Variants in RNGTT observed in about 807,000 individuals in gnomAD.
The protein encoded by RNGTT is RNA guanylyltransferase and 5'-phosphatase, also known as mRNA-capping enzyme.
Under a neutral mutation model 79.3 loss-of-function variants are expected in RNGTT, and 33 were observed. The ratio of observed to expected loss-of-function variants is 0.42; its 90% CI spans 0.32 to 0.56. The LOEUF (loss-of-function observed/expected upper bound fraction) is 0.56. Ranked by LOEUF, RNGTT falls within the 20% of genes least tolerant of loss-of-function variation. RNGTT has a pLI of 0.17. For synonymous variants in RNGTT, 222 were observed against 235.9 expected (o/e 0.94, Z 0.54); for missense variants, 497 against 739.1 (o/e 0.67, Z 3.80).
intron 14 of RNGTT, among the ~76,000 whole-genome samples, chr6:88,665,143 C>T (rs1450135637): frequency 6.6e-6 from 1 of 152,146 alleles, no homozygotes; most frequent in Non-Finnish European, 1.5e-5. Context: ...ATGGCCCTGA[C>T]AGTTCCCCGA....
At chr6:88,843,298 T>C (rs962257504) in intron 11 of RNGTT, among the ~76,000 whole-genome samples, 1 of 152,022 alleles carries the variant, frequency 6.6e-6, no homozygotes, top group African/African-American at 2.4e-5. Flanking sequence ...CCTGAAGAAA[T>C]ATCCACCCAT....
chr6:88,905,205 A>C (rs1347402772), intron 5 of RNGTT, among the ~76,000 whole-genome samples: 2 of 152,176 alleles, frequency 1.3e-5, no homozygotes, highest in Non-Finnish European at 2.9e-5. Context: ...TATAGTAGAG[A>C]CCTAGATAGG....
intron 11 of RNGTT, among the ~76,000 whole-genome samples, chr6:88,808,263 A>G (rs1300743837): frequency 6.6e-6 from 1 of 152,222 alleles, no homozygotes; most frequent in Non-Finnish European, 1.5e-5. Flanking sequence ...AACAAATTGT[A>G]TAAAAGGAAA....
chr6:88,839,234 A>T (rs774021683), intron 11 of RNGTT, among the ~76,000 whole-genome samples: 1 of 152,092 alleles, frequency 6.6e-6, no homozygotes, highest in Non-Finnish European at 1.5e-5. Flanking sequence ...GATACTGTCA[A>T]GTTTTTTTTA....
chr6:88,805,324 C>T (rs1015481986), intron 11 of RNGTT, among the ~76,000 whole-genome samples: 9 of 152,182 alleles, frequency 5.9e-5, no homozygotes, highest in African/African-American at 2.2e-4. Flanking sequence ...TTTAGAATCC[C>T]TGGAAGCCCA....
chr6:88,769,678 A>G, intron 13 of RNGTT, 96 bp downstream of exon 13: 1 of 582,492 alleles, frequency 1.7e-6, no homozygotes, highest in East Asian at 2.9e-5. Flanking sequence ...TTCTTTCTTT[A>G]AAGTATTGTA....
At chr6:88,756,388 A>G (rs1351515327) in intron 13 of RNGTT, among the ~76,000 whole-genome samples, 1 of 151,842 alleles carries the variant, frequency 6.6e-6, no homozygotes, top group African/African-American at 2.4e-5. Flanking sequence ...CAGGAGAATC[A>G]CTTGAACCAG....
At chr6:88,665,161 A>G (rs1774350210) in intron 14 of RNGTT, among the ~76,000 whole-genome samples, 1 of 152,092 alleles carries the variant, frequency 6.6e-6, no homozygotes, top group Non-Finnish European at 1.5e-5. Flanking sequence ...CGAGAGGAAG[A>G]GTAGCGACTC....
intron 12 of RNGTT, among the ~76,000 whole-genome samples, chr6:88,784,766 C>T (rs1434352752): frequency 6.6e-6 from 1 of 152,030 alleles, no homozygotes; most frequent in East Asian, 1.9e-4. Flanking sequence ...TATCTTTTTG[C>T]TATGATTCCA....
chr6:88,742,253 T>C (rs1582406488), intron 13 of RNGTT, among the ~76,000 whole-genome samples: 1 of 152,190 alleles, frequency 6.6e-6, no homozygotes, highest in Admixed American at 6.5e-5. Flanking sequence ...GGAAGGTCAA[T>C]AGCCCAAAGA....
At chr6:88,787,462 C>T (rs747180105) in intron 12 of RNGTT, among the ~76,000 whole-genome samples, 19 of 152,062 alleles carry the variant, frequency 1.2e-4, no homozygotes, top group Non-Finnish European at 2.6e-4. Context: ...AGATCCAGAC[C>T]ATCCTGGCCA....
At position 88,647,711 on chromosome 6, in the gene RNGTT, A is replaced by AAAAG. The variant is rs1562169275; in HGVS notation, c.1506+30641_1506+30642insCTTT. On this transcript the variant is annotated intron_variant, in intron 14 of 15. Transcript: ENST00000369485. ...GAACCGACACCCTGTTAAAAAAAAAAAAAAAAGAAGAAGAAGAAAAGAAGG... is the reference window on the plus strand; with the variant it reads ...GAACCGACACCCTGTTAAAAAAAAAAAAAGAAAAAAGAAGAAGAAGAAAAGAAGG... 1.3e-4 allele frequency among the ~76,000 whole-genome samples: 20 copies of AAAAG among 148,366 alleles called. 3 individuals are homozygous for AAAAG. The highest frequency in any genetic ancestry group is 5.2e-4 in the African/African-American group (20 of 38,338).
In RNGTT at chr6:88,801,637, A is replaced by G. The variant is rs754878389; in HGVS notation, c.1270-5T>C. 5 of 1,578,152 alleles carry G rather than the reference A, an allele frequency of 3.2e-6. No homozygotes were observed. In the African/African-American group the frequency reaches 6.7e-5, roughly 21 times the overall value. On this transcript the variant is annotated splice_region_variant and splice_polypyrimidine_tract_variant and intron_variant, in intron 11 of 15. Coordinates refer to ENST00000369485, the MANE Select transcript of RNGTT (RefSeq NM_003800.5). ...GGCAAAATTTCCTTCAAGTAGCTAT[A>G]AAATAAATACACATGTATTCTTTAA...
At chr6:88,924,529 T>C (rs1379537868) in intron 4 of RNGTT, among the ~76,000 whole-genome samples, 1 of 152,244 alleles carries the variant, frequency 6.6e-6, no homozygotes, top group African/African-American at 2.4e-5. Flanking sequence ...TCTTGCTATG[T>C]TGCCCAGACC....
chr6:88,617,453 T>C (rs1772274111), intron 14 of RNGTT, among the ~76,000 whole-genome samples: 1 of 152,252 alleles, frequency 6.6e-6, no homozygotes, highest in Non-Finnish European at 1.5e-5. Context: ...TCCCTTCCCA[T>C]TGTGTAGTAT....
chr6:88,897,457 A>G (rs1783289174), intron 6 of RNGTT, among the ~76,000 whole-genome samples: 1 of 152,172 alleles, frequency 6.6e-6, no homozygotes. Flanking sequence ...AGATTTCTCT[A>G]TCATTATTCC....
At chr6:88,909,968 T>TA (rs2127945297) in intron 4 of RNGTT, among the ~76,000 whole-genome samples, 1 of 150,192 alleles carries the variant, frequency 6.7e-6, no homozygotes, top group African/African-American at 2.5e-5. Flanking sequence ...AAAAGAATAT[T>TA]TAAAAAAAAA....
chr6:88,900,379 A>G (rs1002133592), intron 6 of RNGTT, among the ~76,000 whole-genome samples: 1 of 152,240 alleles, frequency 6.6e-6, no homozygotes, highest in Non-Finnish European at 1.5e-5. Context: ...TAAGTAGTCA[A>G]TGGATGAGTT....
intron 14 of RNGTT, among the ~76,000 whole-genome samples, chr6:88,642,397 AG>A (rs1562165612): frequency 6.6e-6 from 1 of 152,212 alleles, no homozygotes; most frequent in South Asian, 2.1e-4. Flanking sequence ...AACATATCAA[AG>A]GGAAAATTTT....
Sources: allele counts gnomAD v4.1 joint callset (sites outside exome capture counted in the v4.1 genomes callset), GRCh38; gene constraint gnomAD v4.1.1; transcripts MANE v1.5; gene names NCBI Gene and HGNC (gene_info 2026-07-23, HGNC 2026-07-21).